GALNT2: variants seen among roughly 807,000 people sequenced by gnomAD.
GALNT2 encodes the protein UDP-GalNAc:polypeptide N-acetylgalactosaminyltransferase 2.
A neutral mutation model predicts 81.4 loss-of-function variants in GALNT2; 31 were observed. That is an observed-to-expected ratio of 0.38 (90% CI 0.29 to 0.51). GALNT2 has a LOEUF of 0.51. Ranked by LOEUF, GALNT2 falls within the 20% of genes least tolerant of loss-of-function variation. GALNT2 has a pLI of 0.87. For missense variants in GALNT2, 629 were observed against 765.7 expected (o/e 0.82, Z 2.11); for synonymous variants, 303 against 287.4 (o/e 1.05, Z -0.55).
chr1:230,186,696 G>T (rs1363446834), intron 2 of GALNT2, among the ~76,000 whole-genome samples: 15 of 152,170 alleles, frequency 9.9e-5, no homozygotes, highest in Non-Finnish European at 1.6e-4. Flanking sequence ...TCATTTGAGT[G>T]CTCACATTGA....
chr1:230,205,186 AAAG>A (rs1487236452), intron 3 of GALNT2, among the ~76,000 whole-genome samples: 1 of 152,166 alleles, frequency 6.6e-6, no homozygotes, highest in East Asian at 1.9e-4. Context: ...GCATACAGTG[AAAG>A]AAGATTTTTC....
chr1:230,100,196 A>C (rs1558083189), intron 1 of GALNT2, among the ~76,000 whole-genome samples: 2 of 152,190 alleles, frequency 1.3e-5, no homozygotes, highest in Non-Finnish European at 2.9e-5. Flanking sequence ...AAATTTTAAA[A>C]TAGAGCTAAT....
intron 3 of GALNT2, among the ~76,000 whole-genome samples, chr1:230,227,114 C>G (rs919633626): frequency 1.3e-5 from 2 of 152,024 alleles, no homozygotes; most frequent in East Asian, 3.9e-4. Context: ...AAATTTGAAA[C>G]TTACATGAAA....
intron 1 of GALNT2, among the ~76,000 whole-genome samples, chr1:230,135,869 T>C (rs12140497): frequency 0.21 from 31,483 of 151,704 alleles, 3,495 homozygotes; most frequent in Middle Eastern, 0.25. Context: ...CATTTTTTTT[T>C]TTTTTATAGA....
At chr1:230,265,412 C>T (rs1232936810) in intron 14 of GALNT2, 45 bp downstream of exon 14, 2 of 1,612,646 alleles carry the variant, frequency 1.2e-6, no homozygotes, top group African/African-American at 1.3e-5. Flanking sequence ...CCAGAGAGAG[C>T]AGGAGTTGGG....
intron 1 of GALNT2, among the ~76,000 whole-genome samples, chr1:230,085,817 C>T (rs1448607682): frequency 1.3e-5 from 2 of 152,228 alleles, no homozygotes; most frequent in African/African-American, 4.8e-5. Context: ...TAGCCAACCA[C>T]TTACAGAACT....
intron 1 of GALNT2, among the ~76,000 whole-genome samples, chr1:230,135,282 C>T (rs1298330683): frequency 6.6e-6 from 1 of 152,028 alleles, no homozygotes; most frequent in East Asian, 1.9e-4. Context: ...GTCATGGATA[C>T]CCATATTTTA....
chr1:230,083,752 G>C (rs916320638), intron 1 of GALNT2, among the ~76,000 whole-genome samples: 1 of 152,174 alleles, frequency 6.6e-6, no homozygotes, highest in Non-Finnish European at 1.5e-5. Flanking sequence ...ATGACAGTGG[G>C]GGTTACTCTG....
At chr1:230,187,080 T>C (rs2102693102) in intron 2 of GALNT2, among the ~76,000 whole-genome samples, 1 of 152,308 alleles carries the variant, frequency 6.6e-6, no homozygotes, top group African/African-American at 2.4e-5. Context: ...GTGTTGGGCA[T>C]GTAGCAGTTG....
rs2102726077 is a variant in GALNT2, at chr1:230,225,000, C to A, written c.375-11014C>A. Among the ~76,000 whole-genome samples the A allele has an allele frequency of 1.3e-5, 2 of 152,302 alleles. 1 individual carries two copies. Among genetic ancestry groups the A allele is most frequent in the South Asian group, 4.1e-4 (2 of 4,832 alleles). ...TGAGCTAATTCAAATCTCCTGTTGA[C>A]CAGATTTTTAAGAAGCTTGATTTCA... On this transcript the variant is annotated intron_variant, in intron 3 of 15. Transcript: ENST00000366672.
intron 1 of GALNT2, among the ~76,000 whole-genome samples, chr1:230,059,421 T>C (rs532396234): frequency 6.6e-6 from 1 of 152,348 alleles, no homozygotes; most frequent in Admixed American, 6.5e-5. Flanking sequence ...TTCCTACTCA[T>C]TACCTTACCT....
At chr1:230,152,466 AT>A (rs1276704393) in intron 1 of GALNT2, among the ~76,000 whole-genome samples, 1 of 152,216 alleles carries the variant, frequency 6.6e-6, no homozygotes, top group Non-Finnish European at 1.5e-5. Flanking sequence ...TAAATAGAAA[AT>A]ACTGGAGCAC....
Position 230,257,829 on chromosome 1 carries a change from TTACACAACTGCGCTGGCGTGCTGCCCC to T in GALNT2, c.1136+2490_1136+2516del, listed in dbSNP as rs910699105. ...TTTAGGGTGATGCCCAGGAGCTTTG[TTACACAACTGCGCTGGCGTGCTGCCCC>T]TACAGAAATAGGGAAAGCCTTGGGG... On this transcript the variant is annotated intron_variant, in intron 11 of 15. Coordinates refer to ENST00000366672, the MANE Select transcript of GALNT2 (RefSeq NM_004481.5). This position sits in a 1 kb window ranked among gnomAD's most constrained non-coding sequence, Gnocchi z 4.6. Among the ~76,000 whole-genome samples, 46 of 152,312 alleles carry T rather than the reference TTACACAACTGCGCTGGCGTGCTGCCCC, an allele frequency of 3.0e-4. No homozygotes were observed. The highest frequency in any genetic ancestry group is 1.1e-3 in the African/African-American group (45 of 41,566).
intron 1 of GALNT2, among the ~76,000 whole-genome samples, chr1:230,131,442 C>T (rs1174407133): frequency 6.6e-6 from 1 of 152,190 alleles, no homozygotes; most frequent in Admixed American, 6.5e-5. Flanking sequence ...GACATCCCAC[C>T]TTTCTAGGTC....
At chr1:230,093,233 G>T (rs7520640) in intron 1 of GALNT2, among the ~76,000 whole-genome samples, 107,707 of 152,152 alleles carry the variant, frequency 0.71, 38,370 homozygotes, top group African/African-American at 0.78. Context: ...TTGAGAGAGA[G>T]AAACATTTTC....
At chr1:230,212,251 A>G (rs1664255350) in intron 3 of GALNT2, among the ~76,000 whole-genome samples, 1 of 152,126 alleles carries the variant, frequency 6.6e-6, no homozygotes, top group Non-Finnish European at 1.5e-5. Context: ...TCCGCTCTTC[A>G]GAGGGTCTTT....
chr1:230,240,663 GTTTT>G (rs35147394), intron 6 of GALNT2, among the ~76,000 whole-genome samples: 1 of 144,508 alleles, frequency 6.9e-6, no homozygotes. Flanking sequence ...CTCTATATCT[GTTTT>G]TTTTTTTTAA....
chr1:230,272,740 GGGTTT>G (rs569691493), intron 14 of GALNT2, among the ~76,000 whole-genome samples: 1 of 152,076 alleles, frequency 6.6e-6, no homozygotes, highest in Non-Finnish European at 1.5e-5. Context: ...AGAATCTTTA[GGGTTT>G]GGTTTGGTTT....
intron 1 of GALNT2, among the ~76,000 whole-genome samples, chr1:230,142,922 T>C (rs1417904207): frequency 1.3e-5 from 2 of 152,218 alleles, no homozygotes; most frequent in African/African-American, 2.4e-5. Context: ...GTTTGAGCTC[T>C]CCTGGGTCCT....
Sources: allele counts gnomAD v4.1 joint callset (sites outside exome capture counted in the v4.1 genomes callset), GRCh38; gene constraint gnomAD v4.1.1; non-coding constraint Gnocchi (gnomAD v3.1); transcripts MANE v1.5; gene names NCBI Gene and HGNC (gene_info 2026-07-23, HGNC 2026-07-21).